ROCK2: variants seen among roughly 807,000 people sequenced by gnomAD.
ROCK2 encodes the protein rho-associated protein kinase 2.
A neutral mutation model predicts 195.1 loss-of-function variants in ROCK2; 61 were observed. That is an observed-to-expected ratio of 0.31 (90% confidence interval 0.25 to 0.39). ROCK2 has a LOEUF of 0.39. Among genes scored for constraint, ROCK2 ranks in the 10% least tolerant of loss-of-function variants. The pLI is 1.00. For synonymous variants in ROCK2, 504 were observed against 545.5 expected, an observed-to-expected ratio of 0.92 and a Z score of 1.06; for missense variants, 1,109 against 1,637.4, an observed-to-expected ratio of 0.68 and a Z score of 5.57.
chr2:11,203,703 A>C (rs750164685), intron 20 of ROCK2, among the ~76,000 whole-genome samples: 2 of 152,130 alleles, frequency 1.3e-5, no homozygotes, highest in African/African-American at 2.4e-5. Context: ...GGAAGTTATG[A>C]CTCAATGTCA....
chr2:11,183,534 C>T lies in ROCK2; in HGVS notation c.4164-94G>A. 4 of 844,132 alleles carry T rather than the reference C, an allele frequency of 4.7e-6. No individual in the cohort carries two copies. In the South Asian group the frequency reaches 6.9e-5, roughly 15 times the overall value. 52.3% of individuals were successfully genotyped at this position (844,132 alleles called of 1,614,324 possible). ...AAAGCATTCCATTCACATTATTAAA[C>T]TATATAGTCTTCCAGCTACTATATT... is the stretch of plus-strand genomic sequence containing the variant. On this transcript the variant is annotated intron_variant, in intron 32 of 32. Transcript: ENST00000315872.
At chr2:11,220,321 T>C (rs1265508980) in intron 9 of ROCK2, among the ~76,000 whole-genome samples, 1 of 152,052 alleles carries the variant, frequency 6.6e-6, no homozygotes, top group Non-Finnish European at 1.5e-5. Context: ...CCGGCTTTTT[T>C]TTTCTTTTGT....
At chr2:11,286,188 A>G (rs774301618) in intron 3 of ROCK2, among the ~76,000 whole-genome samples, 9 of 61,856 alleles carry the variant, frequency 1.5e-4, no homozygotes, top group Non-Finnish European at 3.0e-4. Context: ...CAGTTATTAA[A>G]ATTTATCTGT....
chr2:11,302,741 TA>T (rs1416985372), intron 1 of ROCK2, among the ~76,000 whole-genome samples: 1 of 152,230 alleles, frequency 6.6e-6, no homozygotes, highest in Non-Finnish European at 1.5e-5. Flanking sequence ...ACTGTTTTAA[TA>T]ACTCGTTAAT....
At chr2:11,249,880 T>C in intron 3 of ROCK2, 82 bp from the exon 4 acceptor site, 2 of 1,150,170 alleles carry the variant, frequency 1.7e-6, no homozygotes, top group South Asian at 3.3e-5. Context: ...ATGCTATTAT[T>C]AAAGACTTCA....
chr2:11,344,062 G>A lies in ROCK2; in HGVS notation c.75C>T (p.Ser25=), dbSNP rs1210926031. 2 of 1,584,080 alleles carry A rather than the reference G, an allele frequency of 1.3e-6. No individual in the cohort carries two copies. The highest frequency in any genetic ancestry group is 1.7e-5 in the Admixed American group (1 of 57,540). ...TCAGCGCCTCCAGCTTCCTCTGGCG[G>A]CTCGCGCCTGCCCCGTCCCCCGGCG... ...ETAPGDGAGA[S]RQRKLEALIR... The change falls in exon 1 of 33, where the codon AGC becomes AGT. Residue 25 remains serine, a synonymous_variant. Coordinates refer to ENST00000315872, the MANE Select transcript of ROCK2 (RefSeq NM_004850.5). This position sits in a 1 kb window ranked among gnomAD's most constrained non-coding sequence, Gnocchi z 5.4.
chr2:11,206,883 C>T (rs775749703), intron 20 of ROCK2, among the ~76,000 whole-genome samples: 1 of 152,118 alleles, frequency 6.6e-6, no homozygotes, highest in African/African-American at 2.4e-5. Flanking sequence ...ATCATTTGCC[C>T]GATGTTGGTT....
chr2:11,307,810 TAC>T (rs1388641743), intron 1 of ROCK2, among the ~76,000 whole-genome samples: 1 of 152,160 alleles, frequency 6.6e-6, no homozygotes, highest in East Asian at 1.9e-4. Flanking sequence ...GTACTGAACA[TAC>T]ACAGACTTTT....
chr2:11,184,850 T>G (rs1156768305), intron 32 of ROCK2: 5 of 711,972 alleles, frequency 7.0e-6, no homozygotes, highest in Non-Finnish European at 8.6e-6. Context: ...AAATCATACT[T>G]TGAATGTGCT....
At chr2:11,299,618 A>T (rs1667644261) in intron 1 of ROCK2, among the ~76,000 whole-genome samples, 1 of 152,242 alleles carries the variant, frequency 6.6e-6, no homozygotes, top group Non-Finnish European at 1.5e-5. Context: ...AGCTGCAACC[A>T]GGAGCAGGTC....
chr2:11,189,506 G>A (rs764169944), intron 32 of ROCK2, among the ~76,000 whole-genome samples: 1 of 152,132 alleles, frequency 6.6e-6, no homozygotes, highest in Admixed American at 6.5e-5. Context: ...CAAGGAAAAG[G>A]TCTTTAACTG....
intron 3 of ROCK2, among the ~76,000 whole-genome samples, chr2:11,260,086 G>C (rs1666171147): frequency 6.6e-6 from 1 of 151,412 alleles, no homozygotes; most frequent in Admixed American, 6.6e-5. Context: ...TCAATTAGCA[G>C]GTTATCTCAA....
chr2:11,218,434 T>G (rs758078741), intron 11 of ROCK2, 21 bp downstream of exon 11: 1 of 1,554,866 alleles, frequency 6.4e-7, no homozygotes, highest in South Asian at 1.2e-5. Flanking sequence ...TTTTTCAATA[T>G]ATCTGACAAC....
chr2:11,318,384 T>C (rs1033768535), intron 1 of ROCK2, among the ~76,000 whole-genome samples: 1 of 152,232 alleles, frequency 6.6e-6, no homozygotes, highest in Non-Finnish European at 1.5e-5. Context: ...CATTTTTTCA[T>C]GTGTCTGTTG....
intron 1 of ROCK2, among the ~76,000 whole-genome samples, chr2:11,319,636 T>C (rs1026061303): frequency 2.6e-5 from 4 of 152,134 alleles, no homozygotes; most frequent in African/African-American, 9.7e-5. Flanking sequence ...TCCAACACTA[T>C]GTTGAATAGG....
chr2:11,272,249 G>A (rs1013581320), intron 3 of ROCK2, among the ~76,000 whole-genome samples: 1 of 152,074 alleles, frequency 6.6e-6, no homozygotes, highest in African/African-American at 2.4e-5. Context: ...CCTACAGGGT[G>A]AAATGAAAAC....
chr2:11,303,847 C>G (rs955798994), intron 1 of ROCK2, among the ~76,000 whole-genome samples: 2 of 151,980 alleles, frequency 1.3e-5, no homozygotes, highest in Non-Finnish European at 2.9e-5. Context: ...ATGATCATGT[C>G]TCAGTTCACA....
intron 10 of ROCK2, among the ~76,000 whole-genome samples, 169 bp from the exon 11 acceptor site, chr2:11,218,635 T>C (rs1173707303): frequency 6.6e-6 from 1 of 152,230 alleles, no homozygotes; most frequent in Non-Finnish European, 1.5e-5. Flanking sequence ...TGTATATCCA[T>C]GTATGATTTA....
chr2:11,264,266 T>C (rs1417984154), intron 3 of ROCK2, among the ~76,000 whole-genome samples: 1 of 151,784 alleles, frequency 6.6e-6, no homozygotes, highest in Non-Finnish European at 1.5e-5. Context: ...GCAAAGCAGG[T>C]GTTCATACAT....
Sources: gnomAD v4.1 joint callset for allele counts (sites outside exome capture counted in the v4.1 genomes callset) on GRCh38, gnomAD v4.1.1 for gene constraint, Gnocchi (gnomAD v3.1) non-coding constraint, MANE v1.5 for transcripts, NCBI Gene and HGNC (gene_info 2026-07-23, HGNC 2026-07-21) for gene names.